Variants in FLT3 observed in about 807,000 individuals in gnomAD.
The protein encoded by FLT3 is fms related receptor tyrosine kinase 3.
A neutral mutation model predicts 126.6 loss-of-function variants in FLT3; 46 were observed. The ratio of observed to expected loss-of-function variants is 0.36; its 90% CI spans 0.29 to 0.46. The LOEUF (loss-of-function observed/expected upper bound fraction) is 0.46. Ranked by LOEUF, FLT3 falls within the 20% of genes least tolerant of loss-of-function variation. The pLI, the probability that FLT3 is intolerant of heterozygous loss-of-function variation, is 1.00. For missense variants in FLT3, 1,069 were observed against 1,190.3 expected (o/e 0.90, Z 1.50); for synonymous variants, 404 against 434.4 (o/e 0.93, Z 0.87).
rs1375737998 is a variant in FLT3, at chr13:28,100,436, G to A, written c.43+32C>T. 6 of 1,214,838 alleles carry A rather than the reference G, an allele frequency of 4.9e-6. No individual in the cohort carries two copies. The highest frequency in any genetic ancestry group is 1.6e-5 in the African/African-American group (1 of 63,520). The allele number at this position is 1,214,838 out of a possible 1,614,324, so 75.3% of individuals were successfully genotyped here. On this transcript the variant is annotated intron_variant, in intron 1 of 23. Transcript: ENST00000241453. The surrounding 1 kb of genome is among the most constrained non-coding windows in gnomAD (Gnocchi z 4.8). The stretch of plus-strand genomic sequence containing the variant: ...TGCGGGGTGGGGGCTGAGGGACCGC[G>A]AGGGGCTGCGAGCGAGCGAGCGGGG...
chr13:28,052,579 C>T lies in FLT3; in HGVS notation c.580G>A (p.Val194Met), dbSNP rs146030737. The T allele has an allele frequency of 4.7e-3, 7,567 of 1,613,596 alleles. 30 individuals are homozygous for T. Among genetic ancestry groups the T allele is most frequent in the Middle Eastern group, 5.6e-3 (34 of 6,062 alleles). Residue 194 changes from valine (V) to methionine (M), a missense_variant, in exon 5 of 24, where the codon GTG (valine) becomes ATG (methionine). By Grantham distance (21) the Val-to-Met change is conservative. Coordinates refer to ENST00000241453, the MANE Select transcript of FLT3 (RefSeq NM_004119.3). ...CISESVPEPI[V>M]EWVLCDSQGE... ...TGTGAATCGCAAAGCACCCATTCCA[C>T]GATCGGCTCTGGAACGCTCTCAGAT... is the stretch of plus-strand genomic sequence containing the variant.
At chr13:28,049,336 A>T in intron 8 of FLT3, 48 bp downstream of exon 8, 1 of 1,551,158 alleles carries the variant, frequency 6.4e-7, no homozygotes, top group Non-Finnish European at 8.8e-7. Flanking sequence ...ATTCCACACT[A>T]CAGCGACTAA....
intron 19 of FLT3, among the ~76,000 whole-genome samples, chr13:28,021,892 G>A (rs540398043): frequency 1.3e-5 from 2 of 150,876 alleles, no homozygotes; most frequent in African/African-American, 2.4e-5. Flanking sequence ...ACAGGCGCCC[G>A]CCACCACACT....
intron 11 of FLT3, 121 bp from the exon 12 acceptor site, chr13:28,035,794 A>G: frequency 8.1e-7 from 1 of 1,229,956 alleles, no homozygotes; most frequent in Non-Finnish European, 1.2e-6. Flanking sequence ...ACAGTCTATG[A>G]CTATTGAGAG....
At chr13:28,068,737 TTTG>T (rs1487078680) in intron 2 of FLT3, among the ~76,000 whole-genome samples, 5 of 151,952 alleles carry the variant, frequency 3.3e-5, no homozygotes, top group Non-Finnish European at 5.9e-5. Context: ...GGTTAATTTT[TTTG>T]TTGTTGTTGT....
At chr13:28,052,723 C>T in intron 4 of FLT3, 49 bp from the exon 5 acceptor site, 1 of 1,307,184 alleles carries the variant, frequency 7.7e-7, no homozygotes, top group Non-Finnish European at 1.1e-6. Flanking sequence ...AAATAATTCT[C>T]TTAGCAGCCC....
chr13:28,024,906 A>C lies in FLT3; in HGVS notation c.2245T>G (p.Ser749Ala). Reference protein sequence around the residue: ...GSREVQIHPDSDQISGLHGNS... With the variant: ...GSREVQIHPDADQISGLHGNS... ...CCATGAAGCCCTGAGATTTGATCCG[A>C]GTCCGGGTGTATCTGAACTTCTCTT... The change falls in exon 18 of 24, where the codon TCG becomes GCG. Residue 749 changes from serine (S) to alanine (A), a missense_variant. Transcript: ENST00000241453. 1.2e-6 allele frequency: 2 copies of C among 1,612,622 alleles called. No individual in the cohort carries two copies. Among genetic ancestry groups the C allele is most frequent in the East Asian group, 4.5e-5 (2 of 44,834 alleles).
At chr13:28,056,168 C>A (rs1223957451) in intron 4 of FLT3, among the ~76,000 whole-genome samples, 1 of 152,146 alleles carries the variant, frequency 6.6e-6, no homozygotes, top group African/African-American at 2.4e-5. Context: ...CATTCTCACA[C>A]AAGACCCAGG....
chr13:28,023,372 A>G lies in FLT3; in HGVS notation c.2396T>C (p.Met799Thr). ...LCFAYQVAKG[M>T]EFLEFKSCVH... ...TACCGACTTAAATTCCAGAAATTCC[A>G]TTCCTTTGGCAACTTGATATGCAAA... Residue 799 changes from methionine (M) to threonine (T), a missense_variant, in exon 19 of 24, where the codon ATG (methionine) becomes ACG (threonine). By Grantham distance (81) the Met-to-Thr change is moderately conservative. Coordinates refer to ENST00000241453, the MANE Select transcript of FLT3 (RefSeq NM_004119.3). 6.2e-7 allele frequency: 1 copy of G among 1,613,418 alleles called. No homozygotes were observed. The highest frequency in any genetic ancestry group is 8.5e-7 in the Non-Finnish European group (1 of 1,179,810).
At chr13:28,077,521 C>T (rs1185819423) in intron 1 of FLT3, among the ~76,000 whole-genome samples, 1 of 152,140 alleles carries the variant, frequency 6.6e-6, no homozygotes, top group Non-Finnish European at 1.5e-5. Context: ...GTCTGGCACC[C>T]ATGATTCAAT....
At chr13:28,009,797 A>C (rs1377123039) in intron 23 of FLT3, among the ~76,000 whole-genome samples, 1 of 152,092 alleles carries the variant, frequency 6.6e-6, no homozygotes, top group East Asian at 1.9e-4. Context: ...CCTGAGCTCA[A>C]TCTATGTTTG....
intron 17 of FLT3, among the ~76,000 whole-genome samples, chr13:28,026,161 A>G (rs965265944): frequency 6.6e-6 from 1 of 151,740 alleles, no homozygotes; most frequent in Non-Finnish European, 1.5e-5. Flanking sequence ...CACCAGCCTG[A>G]CCAACATGGT....
At chr13:28,080,833 G>C (rs1878260448) in intron 1 of FLT3, among the ~76,000 whole-genome samples, 1 of 152,058 alleles carries the variant, frequency 6.6e-6, no homozygotes, top group Admixed American at 6.6e-5. Context: ...ATGACATATG[G>C]ATCAAAGTTT....
intron 1 of FLT3, among the ~76,000 whole-genome samples, chr13:28,090,236 C>A (rs1878948518): frequency 6.6e-6 from 1 of 151,054 alleles, no homozygotes; most frequent in South Asian, 2.1e-4. Context: ...CAGGGTTTCA[C>A]CATGATGGCC....
chr13:28,070,019 G>A (rs757105308), intron 2 of FLT3, among the ~76,000 whole-genome samples: 6 of 152,208 alleles, frequency 3.9e-5, no homozygotes, highest in Non-Finnish European at 5.9e-5. Flanking sequence ...GGAGGTTGAA[G>A]TGGGAGGATT....
chr13:28,089,449 A>C (rs753632427), intron 1 of FLT3, among the ~76,000 whole-genome samples: 1 of 152,146 alleles, frequency 6.6e-6, no homozygotes, highest in African/African-American at 2.4e-5. Flanking sequence ...CAAAAACTGG[A>C]AGCAAACAAA....
At chr13:28,028,619 T>C (rs1873026480) in intron 15 of FLT3, among the ~76,000 whole-genome samples, 1 of 151,982 alleles carries the variant, frequency 6.6e-6, no homozygotes, top group South Asian at 2.1e-4. Flanking sequence ...ATCGCTTGAA[T>C]GTGGGAGGCA....
intron 23 of FLT3, among the ~76,000 whole-genome samples, chr13:28,011,032 C>T (rs1871306619): frequency 6.8e-6 from 1 of 147,270 alleles, no homozygotes. Context: ...AAAAATAGGG[C>T]CAGGTGGGGT....
At position 28,062,175 on chromosome 13, in the gene FLT3, C is replaced by T. The variant is rs1319107; in HGVS notation, c.166-106G>A. 0.16 allele frequency: 125,882 copies of T among 766,192 alleles called. 11,272 individuals carry two copies. Among genetic ancestry groups the T allele is most frequent in the Middle Eastern group, 0.24 (620 of 2,612 alleles). The allele number at this position is 766,192 out of a possible 1,614,324, so 47.5% of individuals were successfully genotyped here. Reference sequence around the variant, plus strand: ...AACATATGCATGCTGACACACTGCACGCAACACCCACACAAGCTGGAACCC... The same window carrying T: ...AACATATGCATGCTGACACACTGCATGCAACACCCACACAAGCTGGAACCC... On this transcript the variant is annotated intron_variant, in intron 2 of 23. Transcript: ENST00000241453.
Sources: allele counts gnomAD v4.1 joint callset (sites outside exome capture counted in the v4.1 genomes callset), GRCh38; gene constraint gnomAD v4.1.1; non-coding constraint Gnocchi (gnomAD v3.1); transcripts MANE v1.5; gene names NCBI Gene and HGNC (gene_info 2026-07-23, HGNC 2026-07-21).